NAALADL2: variants seen among roughly 807,000 people sequenced by gnomAD.
The protein encoded by NAALADL2 is inactive N-acetylated-alpha-linked acidic dipeptidase-like protein 2.
In NAALADL2, 76 loss-of-function variants were observed where a neutral mutation model predicts 87.2. The observed-to-expected ratio is 0.87, with a 90% CI of 0.72 to 1.05. The LOEUF (loss-of-function observed/expected upper bound fraction) is 1.05. NAALADL2 is among the 50% of genes least tolerant of loss of function. NAALADL2 has a pLI of 0.00. For missense variants in NAALADL2, 1,089 were observed against 945.8 expected (o/e 1.15, Z -1.99); for synonymous variants, 354 against 331.0 (o/e 1.07, Z -0.75).
At chr3:175,700,832 C>A (rs555711814) in intron 11 of NAALADL2, among the ~76,000 whole-genome samples, 1 of 151,902 alleles carries the variant, frequency 6.6e-6, no homozygotes, top group Non-Finnish European at 1.5e-5. Context: ...GTAATGTATA[C>A]TTATCATGGA....
At chr3:175,310,949 T>C (rs542381531) in intron 4 of NAALADL2, among the ~76,000 whole-genome samples, 11 of 152,074 alleles carry the variant, frequency 7.2e-5, no homozygotes, top group Admixed American at 2.6e-4. Flanking sequence ...AAAAAGTGCA[T>C]GCAGTTGATA....
At chr3:174,597,296 A>G (rs1200774994) in intron 2 of NAALADL2, among the ~76,000 whole-genome samples, 1 of 152,188 alleles carries the variant, frequency 6.6e-6, no homozygotes, top group Non-Finnish European at 1.5e-5. Flanking sequence ...CAGGGTTGTC[A>G]TTGTAGGATG....
intron 1 of NAALADL2, among the ~76,000 whole-genome samples, chr3:174,930,911 C>G (rs534521897): frequency 6.6e-6 from 1 of 151,864 alleles, no homozygotes; most frequent in Non-Finnish European, 1.5e-5. Context: ...CATGAGCCAC[C>G]ACGCCCGGCC....
At chr3:175,487,464 T>C (rs1284992474) in intron 9 of NAALADL2, 2 of 452,906 alleles carry the variant, frequency 4.4e-6, no homozygotes, top group Non-Finnish European at 8.9e-6. Context: ...ATGAACATAA[T>C]TTATTTGCCC....
At chr3:175,094,117 A>G (rs1281527338) in intron 1 of NAALADL2, among the ~76,000 whole-genome samples, 4 of 127,834 alleles carry the variant, frequency 3.1e-5, no homozygotes, top group Non-Finnish European at 3.6e-5. Flanking sequence ...CTACGATTCA[A>G]TGTTTTTTAA....
intron 13 of NAALADL2, among the ~76,000 whole-genome samples, chr3:175,780,926 C>A (rs1299161738): frequency 6.6e-6 from 1 of 152,032 alleles, no homozygotes. Flanking sequence ...CCTTTGGGCT[C>A]AACTCTTTAA....
intron 2 of NAALADL2, among the ~76,000 whole-genome samples, chr3:174,689,723 T>C (rs1436306383): frequency 6.6e-6 from 1 of 152,138 alleles, no homozygotes; most frequent in Non-Finnish European, 1.5e-5. Context: ...CCAGAATCTT[T>C]CAATGCTTTG....
intron 2 of NAALADL2, among the ~76,000 whole-genome samples, chr3:175,155,978 T>C (rs1279105776): frequency 2.0e-5 from 3 of 152,196 alleles, no homozygotes; most frequent in Non-Finnish European, 2.9e-5. Flanking sequence ...CAAGTGCTTA[T>C]TAAAATTTAG....
intron 11 of NAALADL2, among the ~76,000 whole-genome samples, chr3:175,693,466 AC>A (rs1273127536): frequency 6.6e-6 from 1 of 152,140 alleles, no homozygotes; most frequent in East Asian, 1.9e-4. Context: ...ACTGACCAGG[AC>A]CCAAGGACAA....
At chr3:175,342,070 T>A (rs1762620140) in intron 5 of NAALADL2, among the ~76,000 whole-genome samples, 1 of 152,184 alleles carries the variant, frequency 6.6e-6, no homozygotes, top group South Asian at 2.1e-4. Flanking sequence ...TAGGTTACTA[T>A]AATTTTGTAG....
intron 1 of NAALADL2, among the ~76,000 whole-genome samples, chr3:174,504,897 G>A (rs1036984246): frequency 3.9e-5 from 6 of 152,076 alleles, no homozygotes; most frequent in Middle Eastern, 3.2e-3. Context: ...TGTTTTTACA[G>A]TCATTTTCTT....
At chr3:174,742,668 A>G (rs1733871425) in intron 3 of NAALADL2, among the ~76,000 whole-genome samples, 1 of 151,702 alleles carries the variant, frequency 6.6e-6, no homozygotes, top group South Asian at 2.1e-4. Flanking sequence ...AGTGACACCT[A>G]CTAGTAATAG....
At chr3:175,449,394 C>CTTCTTTTTTTTTTTTTTTTTT (rs1212551637) in intron 6 of NAALADL2, among the ~76,000 whole-genome samples, 1 of 48,536 alleles carries the variant, frequency 2.1e-5, no homozygotes, top group Non-Finnish European at 4.7e-5. Flanking sequence ...TAATTTTCTT[C>CTTCTTTTTTTTTTTTTTTTTT]TTTTTTTTTT....
intron 3 of NAALADL2, among the ~76,000 whole-genome samples, chr3:175,244,866 A>G (rs1309502211): frequency 6.6e-6 from 1 of 152,124 alleles, no homozygotes; most frequent in Non-Finnish European, 1.5e-5. Flanking sequence ...GCATGTCAGC[A>G]TTGAAAGTTT....
intron 1 of NAALADL2, among the ~76,000 whole-genome samples, chr3:174,926,850 TAAC>T (rs1736124849): frequency 6.6e-6 from 1 of 151,968 alleles, no homozygotes; most frequent in Admixed American, 6.6e-5. Flanking sequence ...AATTCACACA[TAAC>T]AATATGAACC....
intron 2 of NAALADL2, among the ~76,000 whole-genome samples, chr3:174,668,069 T>G (rs1282314860): frequency 6.6e-6 from 1 of 152,104 alleles, no homozygotes; most frequent in Non-Finnish European, 1.5e-5. Flanking sequence ...CTAGTAGGTG[T>G]GAGGTGATAT....
chr3:174,944,017 C>T (rs2108482751), intron 1 of NAALADL2, among the ~76,000 whole-genome samples: 1 of 152,192 alleles, frequency 6.6e-6, no homozygotes, highest in South Asian at 2.1e-4. Flanking sequence ...TAGGAACAGG[C>T]ACCCACCTAA....
chr3:175,487,308 A>G (rs528765837), intron 9 of NAALADL2, among the ~76,000 whole-genome samples: 11 of 152,250 alleles, frequency 7.2e-5, no homozygotes, highest in African/African-American at 2.6e-4. Flanking sequence ...TAATCTACTT[A>G]TTGACTGTTT....
At chr3:174,648,515 A>G (rs949207391) in intron 2 of NAALADL2, among the ~76,000 whole-genome samples, 3 of 152,124 alleles carry the variant, frequency 2.0e-5, no homozygotes, top group African/African-American at 7.2e-5. Context: ...TATATATTTC[A>G]TGGTTCCATA....
Sources: gnomAD v4.1 joint callset for allele counts (sites outside exome capture counted in the v4.1 genomes callset) on GRCh38, gnomAD v4.1.1 for gene constraint, MANE v1.5 for transcripts, NCBI Gene and HGNC (gene_info 2026-07-23, HGNC 2026-07-21) for gene names.